PTGR2: variants seen among roughly 807,000 people sequenced by gnomAD.
PTGR2 encodes 15-oxoprostaglandin 13-reductase.
Under a neutral mutation model 43.4 loss-of-function variants are expected in PTGR2, and 32 were observed. The ratio of observed to expected loss-of-function variants is 0.74; its 90% CI spans 0.56 to 0.99. PTGR2 has a LOEUF of 0.99. PTGR2 is among the 50% of genes least tolerant of loss of function. The pLI is 0.00. For synonymous variants in PTGR2, 106 were observed against 139.2 expected, an observed-to-expected ratio of 0.76 and a Z score of 1.68; for missense variants, 373 against 420.0, an observed-to-expected ratio of 0.89 and a Z score of 0.98.
intron 3 of PTGR2, among the ~76,000 whole-genome samples, chr14:73,870,830 T>C (rs1048907026): frequency 1.3e-5 from 2 of 152,180 alleles, no homozygotes; most frequent in Non-Finnish European, 2.9e-5. Context: ...ATTATTATTT[T>C]AGTGGTTAAT....
intron 3 of PTGR2, 79 bp downstream of exon 3, chr14:73,860,736 G>A: frequency 2.7e-6 from 2 of 753,470 alleles, no homozygotes; most frequent in Admixed American, 4.7e-5. Flanking sequence ...ATCTTATTGT[G>A]CAGTCCCTTA....
At chr14:73,878,617 C>T in intron 5 of PTGR2, 1 of 470,602 alleles carries the variant, frequency 2.1e-6, no homozygotes, top group Non-Finnish European at 4.2e-6. Flanking sequence ...CCGTATGTGG[C>T]TGAACAACTC....
chr14:73,875,822 T>TTC (rs1555351269), intron 4 of PTGR2, among the ~76,000 whole-genome samples: 4 of 139,102 alleles, frequency 2.9e-5, no homozygotes, highest in Admixed American at 1.4e-4. Flanking sequence ...AAAAGTTTCT[T>TTC]TTTTTTTTTT....
At chr14:73,862,672 T>C (rs563210046) in intron 3 of PTGR2, among the ~76,000 whole-genome samples, 24 of 152,338 alleles carry the variant, frequency 1.6e-4, no homozygotes, top group South Asian at 8.3e-4. Flanking sequence ...AAGACGTCAC[T>C]ACTGCGGCAA....
At chr14:73,881,885 G>T (rs1421060084) in intron 8 of PTGR2, among the ~76,000 whole-genome samples, 1 of 145,042 alleles carries the variant, frequency 6.9e-6, no homozygotes, top group Admixed American at 7.3e-5. Context: ...CTAGGTTCAA[G>T]CAATTATTCT....
At chr14:73,877,672 G>A (rs1385861885) in intron 5 of PTGR2, 1 of 151,390 alleles carries the variant, frequency 6.6e-6, no homozygotes, top group Non-Finnish European at 1.5e-5. Flanking sequence ...GTAGATTTTA[G>A]TGTCTTATTC....
Position 73,882,800 on chromosome 14 carries a change from C to CT in PTGR2, c.979+400dup, listed in dbSNP as rs35651032. Among the ~76,000 whole-genome samples, 222 of 41,866 alleles carry CT rather than the reference C, an allele frequency of 5.3e-3. 67 individuals carry two copies. The highest frequency in any genetic ancestry group is 6.4e-3 in the Non-Finnish European group (141 of 21,898). 27.5% of individuals were successfully genotyped at this position (41,866 alleles called of 152,430 possible). ...CAAGCGTGAGCCACCACGCCTGGCC[C>CT]TTTTTTTTTTTTTTTTTTTTTTTTT... On this transcript the variant is annotated intron_variant, in intron 9 of 9. Transcript: ENST00000555661.
chr14:73,878,816 T>C (rs979396244), intron 5 of PTGR2: 15 of 395,882 alleles, frequency 3.8e-5, no homozygotes, highest in Non-Finnish European at 6.5e-5. Flanking sequence ...CATTTTTTGC[T>C]TAGGATATTT....
chr14:73,874,237 T>C (rs1467201876), intron 4 of PTGR2, 23 bp downstream of exon 4: 1 of 1,524,510 alleles, frequency 6.6e-7, no homozygotes. Flanking sequence ...TGAACATATC[T>C]GATTTTTTTT....
intron 2 of PTGR2, among the ~76,000 whole-genome samples, chr14:73,859,314 A>T (rs2054433777): frequency 6.6e-6 from 1 of 152,144 alleles, no homozygotes; most frequent in Non-Finnish European, 1.5e-5. Context: ...AGATATGGAA[A>T]GAACCTGAGA....
At chr14:73,853,689 G>C (rs79178745) in intron 1 of PTGR2, among the ~76,000 whole-genome samples, 1 of 152,054 alleles carries the variant, frequency 6.6e-6, no homozygotes, top group African/African-American at 2.4e-5. Flanking sequence ...GGGTGAGGGT[G>C]GGGGAGGTGG....
At chr14:73,879,451 A>G in intron 6 of PTGR2, 146 bp downstream of exon 6, 1 of 679,676 alleles carries the variant, frequency 1.5e-6, no homozygotes, top group Non-Finnish European at 2.4e-6. Flanking sequence ...TAAGTGATAC[A>G]AAAGAGCTTG....
At chr14:73,874,737 C>A in intron 4 of PTGR2, 5 of 352,868 alleles carry the variant, frequency 1.4e-5, no homozygotes, top group South Asian at 4.2e-5. Context: ...GGGGAAATGG[C>A]AACAAAAAGG....
intron 2 of PTGR2, among the ~76,000 whole-genome samples, chr14:73,859,612 T>C (rs2054438277): frequency 6.6e-6 from 1 of 152,046 alleles, no homozygotes; most frequent in South Asian, 2.1e-4. Flanking sequence ...GTTTCTATAA[T>C]GATGACCTTT....
intron 1 of PTGR2, among the ~76,000 whole-genome samples, chr14:73,857,281 A>T (rs116605534): frequency 6.7e-6 from 1 of 150,034 alleles, no homozygotes; most frequent in East Asian, 2.0e-4. Flanking sequence ...AGGCAAAGGA[A>T]TTTCCATTTT....
intron 7 of PTGR2, among the ~76,000 whole-genome samples, chr14:73,880,690 G>T (rs2054965347): frequency 6.6e-6 from 1 of 152,094 alleles, no homozygotes; most frequent in Non-Finnish European, 1.5e-5. Flanking sequence ...ATAGTTATTG[G>T]CTTTGACTGG....
Position 73,874,057 on chromosome 14 carries a change from A to G in PTGR2, c.191A>G (p.Tyr64Cys), listed in dbSNP as rs576487109. 2.3e-4 allele frequency: 379 copies of G among 1,612,952 alleles called. 6 individuals are homozygous for G. The South Asian group carries it at 4.0e-3, about 17-fold the overall frequency. Reference protein sequence around the residue: ...CRMNEDTGTDYITPWQLSQVV... With the variant: ...CRMNEDTGTDCITPWQLSQVV... ...ATGAATGAAGACACTGGCACTGATT[A>G]TATAACACCTTGGCAGCTATCTCAA... Residue 64 changes from tyrosine to cysteine, a missense_variant, in exon 4 of 10, where the codon TAT (tyrosine) becomes TGT (cysteine). Coordinates refer to ENST00000555661, the MANE Select transcript of PTGR2 (RefSeq NM_001146154.2).
intron 4 of PTGR2, among the ~76,000 whole-genome samples, chr14:73,876,301 A>G (rs1256783579): frequency 1.3e-5 from 2 of 151,886 alleles, no homozygotes; most frequent in Non-Finnish European, 2.9e-5. Context: ...ACAGAAATTT[A>G]TTTTCTCACA....
intron 3 of PTGR2, among the ~76,000 whole-genome samples, chr14:73,867,603 CA>C (rs971087082): frequency 3.9e-5 from 6 of 152,040 alleles, no homozygotes; most frequent in African/African-American, 7.2e-5. Context: ...AACTTCAAAG[CA>C]AAAACAAAAA....
Sources: gnomAD v4.1 joint callset for allele counts (sites outside exome capture counted in the v4.1 genomes callset) on GRCh38, gnomAD v4.1.1 for gene constraint, MANE v1.5 for transcripts, NCBI Gene and HGNC (gene_info 2026-07-23, HGNC 2026-07-21) for gene names.